Variants in FBLIM1 observed in about 807,000 individuals in gnomAD.
FBLIM1 encodes the protein filamin binding LIM protein 1, also known as filamin-binding LIM protein 1.
In FBLIM1, 29 loss-of-function variants were observed where a neutral mutation model predicts 37.4. That is an observed-to-expected ratio of 0.77 (90% confidence interval 0.58 to 1.06). The LOEUF is 1.06. Among genes scored for constraint, FBLIM1 ranks in the 50% least tolerant of loss-of-function variants. The pLI is 0.00. For synonymous variants in FBLIM1, 193 were observed against 199.0 expected (o/e 0.97, Z 0.25); for missense variants, 449 against 505.6 (o/e 0.89, Z 1.07).
chr1:15,775,902 T>A (rs983045240), intron 7 of FBLIM1, among the ~76,000 whole-genome samples: 1 of 152,120 alleles, frequency 6.6e-6, no homozygotes, highest in South Asian at 2.1e-4. Flanking sequence ...CTGGAATGAA[T>A]GAAGGGCTTA....
chr1:15,771,950 G>A (rs1347326012), intron 6 of FBLIM1, among the ~76,000 whole-genome samples: 7 of 152,026 alleles, frequency 4.6e-5, no homozygotes, highest in Admixed American at 3.3e-4. Context: ...TTGATCTCAC[G>A]GGAATCTGTG....
At chr1:15,768,446 C>T in intron 4 of FBLIM1, 82 bp from the exon 5 acceptor site, 4 of 943,878 alleles carry the variant, frequency 4.2e-6, no homozygotes, top group Non-Finnish European at 6.1e-6. Context: ...GCTAATTGTA[C>T]CTGTTACCAC....
intron 8 of FBLIM1, among the ~76,000 whole-genome samples, chr1:15,778,076 AC>A (rs1248123769): frequency 2.0e-5 from 3 of 151,780 alleles, no homozygotes; most frequent in African/African-American, 7.3e-5. Context: ...GCCTCTAATC[AC>A]CCCAGCTAGG....
At chr1:15,762,757 G>T (rs921677951) in intron 1 of FBLIM1, among the ~76,000 whole-genome samples, 1 of 152,208 alleles carries the variant, frequency 6.6e-6, no homozygotes, top group Non-Finnish European at 1.5e-5. Context: ...CCGGTCAGAC[G>T]CATTGATAGT....
rs768395069 is a variant in FBLIM1, at chr1:15,768,521, C to T, written c.439-7C>T. The stretch of plus-strand genomic sequence containing the variant: ...CACTGGATGACTCCCCGTCTGCATC[C>T]CCACAGGCCCCAGCGGAGGGACCTT... On this transcript the variant is annotated splice_region_variant and splice_polypyrimidine_tract_variant and intron_variant, in intron 4 of 8. Coordinates refer to ENST00000375766, the MANE Select transcript of FBLIM1 (RefSeq NM_017556.4). 1 of 1,549,416 alleles carries T rather than the reference C, an allele frequency of 6.5e-7. No individual in the cohort carries two copies. Among genetic ancestry groups the T allele is most frequent in the Non-Finnish European group, 8.7e-7 (1 of 1,154,046 alleles).
At chr1:15,763,491 C>G (rs1281356557) in intron 1 of FBLIM1, among the ~76,000 whole-genome samples, 1 of 150,780 alleles carries the variant, frequency 6.6e-6, no homozygotes, top group Non-Finnish European at 1.5e-5. Context: ...ACAAAATTAG[C>G]CGGGCGTGGT....
chr1:15,779,362 C>A (rs2069578384), intron 8 of FBLIM1, among the ~76,000 whole-genome samples: 1 of 151,234 alleles, frequency 6.6e-6, no homozygotes, highest in African/African-American at 2.4e-5. Context: ...TGGAGTGCAC[C>A]AGTGCGATCT....
intron 1 of FBLIM1, among the ~76,000 whole-genome samples, chr1:15,759,543 A>AC (rs2068565690): frequency 1.3e-5 from 2 of 151,534 alleles, no homozygotes; most frequent in Non-Finnish European, 2.9e-5. Flanking sequence ...TCCTGGAGGC[A>AC]CCCCCAGCCG....
chr1:15,761,821 G>T (rs965047685), intron 1 of FBLIM1, among the ~76,000 whole-genome samples: 1 of 152,164 alleles, frequency 6.6e-6, no homozygotes, highest in African/African-American at 2.4e-5. Context: ...CAGTCGCTGT[G>T]AACCCAAAGT....
chr1:15,773,338 A>G (rs2069313960), intron 6 of FBLIM1, among the ~76,000 whole-genome samples: 1 of 151,218 alleles, frequency 6.6e-6, no homozygotes, highest in Non-Finnish European at 1.5e-5. Flanking sequence ...AGTCAAGATC[A>G]CACCACTGCA....
Position 15,767,417 on chromosome 1 carries a change from C to T in FBLIM1, c.292C>T (p.Leu98Phe). Residue 98 changes from leucine (L) to phenylalanine (F), a missense_variant, in exon 4 of 9, where the codon CTT becomes TTT. Transcript: ENST00000375766. The part of the protein sequence containing the change: ...PPPVLDGEDV[L>F]PDLDLLPPPP... Reference sequence around the variant, plus strand: ...TCCTGTCCTGGATGGTGAGGACGTGCTTCCTGACCTGGACCTCCTCCCACC... The same window carrying T: ...TCCTGTCCTGGATGGTGAGGACGTGTTTCCTGACCTGGACCTCCTCCCACC... 1 of 1,578,972 alleles carries T rather than the reference C, an allele frequency of 6.3e-7. No homozygotes were observed. The highest frequency in any genetic ancestry group is 1.1e-5 in the South Asian group (1 of 89,366).
chr1:15,778,277 T>C (rs1292629613), intron 8 of FBLIM1, among the ~76,000 whole-genome samples: 1 of 152,080 alleles, frequency 6.6e-6, no homozygotes, highest in Non-Finnish European at 1.5e-5. Context: ...AGAAATCAGC[T>C]TTGGGGGCCT....
intron 8 of FBLIM1, among the ~76,000 whole-genome samples, chr1:15,783,135 G>A (rs886143880): frequency 1.3e-5 from 2 of 151,984 alleles, no homozygotes; most frequent in Non-Finnish European, 2.9e-5. Flanking sequence ...AGCTTCCAAA[G>A]GGTGCCCAGA....
chr1:15,774,101 C>A (rs2069367113), intron 6 of FBLIM1, among the ~76,000 whole-genome samples: 1 of 152,140 alleles, frequency 6.6e-6, no homozygotes. Flanking sequence ...GCACTGCACT[C>A]CAGCCTCAGT....
chr1:15,772,279 AC>A (rs1348461914), intron 6 of FBLIM1, among the ~76,000 whole-genome samples: 1 of 152,216 alleles, frequency 6.6e-6, no homozygotes, highest in Non-Finnish European at 1.5e-5. Context: ...CCAGTGAGGC[AC>A]TGTGGGAAGA....
chr1:15,766,153 A>T (rs1038189310), intron 3 of FBLIM1, among the ~76,000 whole-genome samples: 1 of 151,938 alleles, frequency 6.6e-6, no homozygotes, highest in Non-Finnish European at 1.5e-5. Context: ...GCTGCAGTGC[A>T]GTGCAGTGCA....
At position 15,762,260 on chromosome 1, in the gene FBLIM1, GT is replaced by G. The variant is rs57122494; in HGVS notation, c.-210-2215del. 8.2e-3 allele frequency among the ~76,000 whole-genome samples: 895 copies of G among 108,636 alleles called. 4 individuals carry two copies. The highest frequency in any genetic ancestry group is 0.026 in the African/African-American group (758 of 28,788). The allele number at this position is 108,636 out of a possible 152,430, so 71.3% of individuals were successfully genotyped here. On this transcript the variant is annotated intron_variant, in intron 1 of 8. Coordinates refer to ENST00000375766, the MANE Select transcript of FBLIM1 (RefSeq NM_017556.4). The stretch of plus-strand genomic sequence containing the variant: ...GCATGCCACCATTTCTGGCTAATTT[GT>G]TTTTTTTTTTTTTTTTTTTTGAGAC...
At chr1:15,768,128 A>C (rs1021931558) in intron 4 of FBLIM1, among the ~76,000 whole-genome samples, 7 of 152,052 alleles carry the variant, frequency 4.6e-5, no homozygotes, top group African/African-American at 1.7e-4. Context: ...CGTGATCCGC[A>C]TGGCTCGGCC....
chr1:15,776,771 A>C lies in FBLIM1; in HGVS notation c.891-399A>C, dbSNP rs780151094. ...CAGCTACTCAAGAGGCTGAGGCAGG[A>C]GAATCACTTGAACCTGGGAGGTGGA... On this transcript the variant is annotated intron_variant, in intron 7 of 8. Transcript: ENST00000375766. Among the ~76,000 whole-genome samples the C allele has an allele frequency of 8.0e-4, 120 of 150,128 alleles. 1 individual carries two copies. Among genetic ancestry groups the C allele is most frequent in the South Asian group, 1.7e-3 (8 of 4,646 alleles).
Sources: allele counts gnomAD v4.1 joint callset (sites outside exome capture counted in the v4.1 genomes callset), GRCh38; gene constraint gnomAD v4.1.1; transcripts MANE v1.5; gene names NCBI Gene and HGNC (gene_info 2026-07-23, HGNC 2026-07-21).